Variants in GSAP observed in about 807,000 individuals in gnomAD.
GSAP encodes the protein gamma-secretase activating protein.
A neutral mutation model predicts 131.7 loss-of-function variants in GSAP; 118 were observed. The ratio of observed to expected loss-of-function variants is 0.90; its 90% CI spans 0.77 to 1.04. The LOEUF (loss-of-function observed/expected upper bound fraction) is 1.04. Among genes scored for constraint, GSAP ranks in the 50% least tolerant of loss-of-function variants. The pLI is 0.00. For missense variants in GSAP, 1,019 were observed against 1,013.2 expected (o/e 1.01, Z -0.08); for synonymous variants, 381 against 363.4 (o/e 1.05, Z -0.55).
intron 19 of GSAP, among the ~76,000 whole-genome samples, chr7:77,341,943 A>AG (rs992291819): frequency 7.9e-5 from 12 of 152,312 alleles, no homozygotes; most frequent in Admixed American, 7.2e-4. Context: ...GCATTCCTTC[A>AG]GGACCTCCTC....
intron 12 of GSAP, among the ~76,000 whole-genome samples, chr7:77,369,272 T>C (rs959168647): frequency 6.6e-6 from 1 of 152,208 alleles, no homozygotes; most frequent in Non-Finnish European, 1.5e-5. Context: ...AATAGTAAGA[T>C]ATGCTTTCAA....
intron 19 of GSAP, among the ~76,000 whole-genome samples, chr7:77,343,886 ATCC>A (rs1199397328): frequency 1.3e-5 from 2 of 152,104 alleles, no homozygotes; most frequent in Non-Finnish European, 1.5e-5. Context: ...GTGGAAATCT[ATCC>A]TCAAGGAAAT....
rs377344903 is a variant in GSAP at position 77,326,200 on chromosome 7, C to T, written c.1827+12G>A. Reference sequence around the variant, plus strand: ...TGTTTGCCAGCCCCTAAAGAACCCACGTACCACTTACCAGCCCCATGAGCA... The same window carrying T: ...TGTTTGCCAGCCCCTAAAGAACCCATGTACCACTTACCAGCCCCATGAGCA... On this transcript the variant is annotated intron_variant, in intron 23 of 30. Transcript: ENST00000257626. 8.8e-5 allele frequency: 141 copies of T among 1,601,764 alleles called. No homozygotes were observed. The highest frequency in any genetic ancestry group is 1.1e-4 in the Non-Finnish European group (130 of 1,170,352).
intron 12 of GSAP, among the ~76,000 whole-genome samples, chr7:77,364,493 AG>A (rs1309012319): frequency 3.1e-5 from 4 of 128,074 alleles, no homozygotes; most frequent in Non-Finnish European, 6.2e-5. Flanking sequence ...GGACACAGGA[AG>A]GGGAACATCA....
At chr7:77,371,714 G>A (rs1018409989) in intron 12 of GSAP, among the ~76,000 whole-genome samples, 6 of 152,154 alleles carry the variant, frequency 3.9e-5, no homozygotes, top group Admixed American at 3.9e-4. Context: ...TGGGATTACA[G>A]GCGTGAGCCA....
chr7:77,311,218 A>G lies in GSAP; in HGVS notation c.*140T>C. On this transcript the variant is annotated 3_prime_UTR_variant, in exon 31 of 31. Transcript: ENST00000257626. ...AGCAGTTCTGTCTGAACGTGTACCA[A>G]CCTGAAACTCACATGGCTAAACAAT... The G allele has an allele frequency of 1.6e-6, 1 of 630,580 alleles. No individual in the cohort carries two copies. Among genetic ancestry groups the G allele is most frequent in the South Asian group, 1.9e-5 (1 of 53,494 alleles). The allele number at this position is 630,580 out of a possible 1,614,324, so 39.1% of individuals were successfully genotyped here.
At chr7:77,382,417 A>G (rs1374331439) in intron 7 of GSAP, among the ~76,000 whole-genome samples, 157 bp downstream of exon 7, 1 of 152,180 alleles carries the variant, frequency 6.6e-6, no homozygotes, top group Non-Finnish European at 1.5e-5. Context: ...CCAAAGGAAA[A>G]GCCCTTCCCA....
chr7:77,333,815 TGGAGG>T (rs1388441262), intron 19 of GSAP, among the ~76,000 whole-genome samples: 1 of 151,656 alleles, frequency 6.6e-6, no homozygotes, highest in Non-Finnish European at 1.5e-5. Context: ...TAACCCAGAA[TGGAGG>T]GGAGGGGAGG....
At chr7:77,346,868 G>T (rs1791962926) in intron 19 of GSAP, among the ~76,000 whole-genome samples, 1 of 95,562 alleles carries the variant, frequency 1.0e-5, no homozygotes, top group African/African-American at 6.2e-5. Context: ...ACTAGTCTCG[G>T]GAAACTCTCT....
At chr7:77,400,234 T>C (rs1444251066) in intron 3 of GSAP, among the ~76,000 whole-genome samples, 2 of 151,984 alleles carry the variant, frequency 1.3e-5, no homozygotes, top group Non-Finnish European at 2.9e-5. Context: ...TTCCCAGTGG[T>C]AAACAAGCTT....
chr7:77,385,881 T>C (rs1026761753), intron 6 of GSAP, among the ~76,000 whole-genome samples: 2 of 152,234 alleles, frequency 1.3e-5, no homozygotes, highest in African/African-American at 4.8e-5. Flanking sequence ...AAATTGACTC[T>C]GGCTAGACCA....
intron 8 of GSAP, among the ~76,000 whole-genome samples, chr7:77,380,532 A>G (rs959808833): frequency 3.9e-5 from 6 of 152,216 alleles, no homozygotes; most frequent in Admixed American, 1.3e-4. Context: ...AGGGTCTATT[A>G]TCTACTTCTA....
chr7:77,412,682 G>C (rs531965667), intron 1 of GSAP, among the ~76,000 whole-genome samples: 1 of 147,444 alleles, frequency 6.8e-6, no homozygotes, highest in Admixed American at 7.0e-5. Context: ...AGGATGAATA[G>C]ACATTTCACA....
At chr7:77,402,381 T>TA (rs1180045969) in intron 3 of GSAP, among the ~76,000 whole-genome samples, 981 of 91,966 alleles carry the variant, frequency 0.011, 5 homozygotes, top group South Asian at 0.029. Flanking sequence ...CCATCTCTAC[T>TA]AAAAAAAAAA....
intron 27 of GSAP, among the ~76,000 whole-genome samples, chr7:77,314,102 A>C (rs1426135170): frequency 1.3e-5 from 2 of 152,224 alleles, no homozygotes; most frequent in African/African-American, 4.8e-5. Flanking sequence ...CAGAAACCTT[A>C]AATTGGCCCA....
intron 5 of GSAP, among the ~76,000 whole-genome samples, chr7:77,395,770 C>T (rs1800279009): frequency 6.6e-6 from 1 of 152,170 alleles, no homozygotes; most frequent in South Asian, 2.1e-4. Context: ...AAAGTAAGTA[C>T]AAAGGGTTTT....
At chr7:77,367,001 G>A (rs1162262214) in intron 12 of GSAP, among the ~76,000 whole-genome samples, 1 of 152,124 alleles carries the variant, frequency 6.6e-6, no homozygotes, top group Non-Finnish European at 1.5e-5. Flanking sequence ...GAATGGGATT[G>A]CCTTTCTGAT....
At chr7:77,389,352 CAT>C (rs1799082101) in intron 5 of GSAP, among the ~76,000 whole-genome samples, 1 of 149,000 alleles carries the variant, frequency 6.7e-6, no homozygotes, top group African/African-American at 2.5e-5. Flanking sequence ...TCCTGGTTAA[CAT>C]AGTGAAATGC....
At chr7:77,320,663 A>C in intron 26 of GSAP, 62 bp downstream of exon 26, 13 of 891,910 alleles carry the variant, frequency 1.5e-5, no homozygotes, top group Non-Finnish European at 2.2e-5. Context: ...TACCAAAGGC[A>C]AGGGCCCATA....
Sources: allele counts gnomAD v4.1 joint callset (sites outside exome capture counted in the v4.1 genomes callset), GRCh38; gene constraint gnomAD v4.1.1; transcripts MANE v1.5; gene names NCBI Gene and HGNC (gene_info 2026-07-23, HGNC 2026-07-21).